The following GRM8 variants were observed in gnomAD, a reference collection of about 807,000 sequenced individuals.
GRM8 encodes metabotropic glutamate receptor 8.
GRM8 carries 47 observed loss-of-function variants against 87.2 expected under a neutral mutation model. The ratio of observed to expected loss-of-function variants is 0.54; its 90% CI spans 0.43 to 0.69. The LOEUF is 0.69. Among genes scored for constraint, GRM8 ranks in the 30% least tolerant of loss-of-function variants. The pLI is 0.00. For synonymous variants in GRM8, 396 were observed against 404.5 expected (o/e 0.98, Z 0.25); for missense variants, 1,019 against 1,139.2 (o/e 0.89, Z 1.52).
intron 6 of GRM8, among the ~76,000 whole-genome samples, chr7:126,885,698 T>C (rs1800424599): frequency 6.6e-6 from 1 of 152,158 alleles, no homozygotes; most frequent in South Asian, 2.1e-4. Flanking sequence ...AATGATTCCA[T>C]ATAACAAATC....
chr7:127,065,555 A>T (rs1026326120), intron 3 of GRM8, among the ~76,000 whole-genome samples: 4 of 152,242 alleles, frequency 2.6e-5, no homozygotes, highest in Admixed American at 2.6e-4. Context: ...CTTGGAAGCT[A>T]AAAAGACAAG....
In GRM8 at chr7:126,639,981, A is replaced by G. The variant is rs868325297; in HGVS notation, c.1358-30483T>C. On this transcript the variant is annotated intron_variant, in intron 7 of 10. Transcript: ENST00000339582. The stretch of plus-strand genomic sequence containing the variant: ...TTAAGGCTGAATTCCTTTGAAATAA[A>G]AGCACTCCATGTGGTTCAAATGGGT... Among the ~76,000 whole-genome samples the G allele has an allele frequency of 3.9e-5, 6 of 152,330 alleles. No individual in the cohort carries two copies. The South Asian group carries it at 1.2e-3, about 32-fold the overall frequency.
At chr7:127,023,970 A>T (rs1816523457) in intron 3 of GRM8, among the ~76,000 whole-genome samples, 2 of 152,154 alleles carry the variant, frequency 1.3e-5, no homozygotes, top group Admixed American at 1.3e-4. Flanking sequence ...ACTTCAAAAT[A>T]TCTCTGCATG....
intron 2 of GRM8, among the ~76,000 whole-genome samples, chr7:127,115,216 C>T (rs752053296): frequency 6.6e-6 from 1 of 152,140 alleles, no homozygotes; most frequent in Non-Finnish European, 1.5e-5. Flanking sequence ...GAACCTTCCA[C>T]GGCAGCCAGC....
At position 126,934,405 on chromosome 7, in the gene GRM8, A is replaced by G. The variant is rs529618929; in HGVS notation, c.728-29722T>C. ...TGGAGGTTAAACCACAGAGTTAAAA[A>G]TGAACATACTGGCAATATCTAAGCC... On this transcript the variant is annotated intron_variant, in intron 3 of 10. Coordinates refer to ENST00000339582, the MANE Select transcript of GRM8 (RefSeq NM_000845.3). 9.8e-5 allele frequency among the ~76,000 whole-genome samples: 15 copies of G among 152,334 alleles called. No individual in the cohort carries two copies. The South Asian group carries it at 3.1e-3, about 32-fold the overall frequency.
chr7:126,983,097 G>A lies in GRM8; in HGVS notation c.728-78414C>T, dbSNP rs147977270. 2.2e-3 allele frequency among the ~76,000 whole-genome samples: 339 copies of A among 152,264 alleles called. 2 individuals are homozygous for A. Among genetic ancestry groups the A allele is most frequent in the African/African-American group, 7.9e-3 (329 of 41,556 alleles). On this transcript the variant is annotated intron_variant, in intron 3 of 10. Coordinates refer to ENST00000339582, the MANE Select transcript of GRM8 (RefSeq NM_000845.3). ...TAGCCTGTTGACTTAAAGGTAGGAG[G>A]AGCCCAAAGTGTCCAGGTGGCAATC...
intron 8 of GRM8, among the ~76,000 whole-genome samples, chr7:126,536,603 G>T (rs1325622417): frequency 2.0e-5 from 3 of 151,820 alleles, no homozygotes; most frequent in Non-Finnish European, 1.5e-5. Flanking sequence ...ATTACAGGAA[G>T]AAAGAAATAA....
intron 2 of GRM8, among the ~76,000 whole-genome samples, chr7:127,200,410 C>G (rs1289822648): frequency 6.6e-6 from 1 of 152,162 alleles, no homozygotes; most frequent in Non-Finnish European, 1.5e-5. Context: ...TAAGTTAAAG[C>G]AACATCTTTA....
chr7:126,521,598 A>C (rs1812995595), intron 9 of GRM8, among the ~76,000 whole-genome samples: 1 of 152,162 alleles, frequency 6.6e-6, no homozygotes, highest in Non-Finnish European at 1.5e-5. Flanking sequence ...TTGAAAATTG[A>C]CTAATTCTGA....
intron 6 of GRM8, among the ~76,000 whole-genome samples, chr7:126,835,162 CG>C (rs1247962302): frequency 9.2e-5 from 14 of 151,628 alleles, no homozygotes; most frequent in Non-Finnish European, 1.6e-4. Context: ...TACCATGTAG[CG>C]TATTTCCCTA....
At chr7:127,037,052 T>A (rs1342698935) in intron 3 of GRM8, among the ~76,000 whole-genome samples, 4 of 152,132 alleles carry the variant, frequency 2.6e-5, no homozygotes, top group African/African-American at 7.2e-5. Context: ...CCTCAGCTTC[T>A]CTCAGTGCCT....
rs79522419 is a variant in GRM8, at chr7:126,820,243, A to G, written c.1157-50178T>C. ...TGAATAAATACATTATATCTTCAAA[A>G]CATAAACTGTTCTTACAAATTCCTC... On this transcript the variant is annotated intron_variant, in intron 6 of 10. Transcript: ENST00000339582. 2.3e-3 allele frequency among the ~76,000 whole-genome samples: 346 copies of G among 152,354 alleles called. 1 individual carries two copies. Among genetic ancestry groups the G allele is most frequent in the African/African-American group, 7.8e-3 (325 of 41,580 alleles).
At position 126,955,425 on chromosome 7, in the gene GRM8, C is replaced by T. The variant is rs142387091; in HGVS notation, c.728-50742G>A. 6.2e-3 allele frequency among the ~76,000 whole-genome samples: 950 copies of T among 152,156 alleles called. 10 individuals are homozygous for T. Among genetic ancestry groups the T allele is most frequent in the African/African-American group, 0.021 (890 of 41,526 alleles). ...AGTTCTCAATAAAAATTGTTTGAAT[C>T]GCTATCAACTCATTCTTTCTGCTGA... is the stretch of plus-strand genomic sequence containing the variant. On this transcript the variant is annotated intron_variant, in intron 3 of 10. Transcript: ENST00000339582.
chr7:127,249,823 C>T (rs1243549607), intron 1 of GRM8, among the ~76,000 whole-genome samples: 5 of 152,164 alleles, frequency 3.3e-5, no homozygotes, highest in African/African-American at 1.2e-4. Flanking sequence ...TCTGGGGATG[C>T]CCAGTCAGAG....
At chr7:126,624,560 G>A (rs561380190) in intron 7 of GRM8, among the ~76,000 whole-genome samples, 58 of 152,228 alleles carry the variant, frequency 3.8e-4, no homozygotes, top group Non-Finnish European at 7.1e-4. Context: ...GATATAAATC[G>A]CTGGATGATA....
chr7:127,130,181 C>T (rs903549923), intron 2 of GRM8, among the ~76,000 whole-genome samples: 2 of 152,128 alleles, frequency 1.3e-5, no homozygotes, highest in Admixed American at 1.3e-4. Flanking sequence ...AACTGTGAGT[C>T]AATTAAACCT....
At chr7:127,045,464 T>C (rs1818839044) in intron 3 of GRM8, among the ~76,000 whole-genome samples, 1 of 152,186 alleles carries the variant, frequency 6.6e-6, no homozygotes, top group Non-Finnish European at 1.5e-5. Flanking sequence ...ATTTTTTCCT[T>C]ACCTGATATC....
chr7:126,532,575 C>T (rs1814979627), intron 9 of GRM8, among the ~76,000 whole-genome samples: 1 of 151,848 alleles, frequency 6.6e-6, no homozygotes, highest in Admixed American at 6.6e-5. Flanking sequence ...TTTCTTCCTC[C>T]TTCTTTTAAT....
intron 9 of GRM8, among the ~76,000 whole-genome samples, chr7:126,469,225 T>C (rs1804860878): frequency 6.6e-6 from 1 of 151,236 alleles, no homozygotes; most frequent in African/African-American, 2.4e-5. Flanking sequence ...TCTGAGATTC[T>C]CTAACAAATA....
Sources: allele counts gnomAD v4.1 joint callset (sites outside exome capture counted in the v4.1 genomes callset), GRCh38; gene constraint gnomAD v4.1.1; transcripts MANE v1.5; gene names NCBI Gene and HGNC (gene_info 2026-07-23, HGNC 2026-07-21).